The following COL4A4 variants were observed in gnomAD, a reference collection of about 807,000 sequenced individuals.
The protein encoded by COL4A4 is collagen alpha-4(IV) chain.
COL4A4 carries 105 observed loss-of-function variants against 192.9 expected under a neutral mutation model. That is an observed-to-expected ratio of 0.54 (90% CI 0.46 to 0.64). COL4A4 has a LOEUF of 0.64. COL4A4 is among the 30% of genes least tolerant of loss of function. COL4A4 has a pLI of 0.00. For missense variants in COL4A4, 1,967 were observed against 2,169.3 expected (o/e 0.91, Z 1.85); for synonymous variants, 762 against 769.9 (o/e 0.99, Z 0.17).
chr2:227,151,781 T>C (rs536263514), intron 1 of COL4A4, among the ~76,000 whole-genome samples: 1 of 152,280 alleles, frequency 6.6e-6, no homozygotes, highest in Admixed American at 6.5e-5. Flanking sequence ...AAGAGCTTGT[T>C]TGCCCCTTCC....
the COL4A4 span, among the ~76,000 whole-genome samples, chr2:226,971,621 G>A: frequency 2.6e-5 from 4 of 152,164 alleles, no homozygotes; most frequent in East Asian, 7.7e-4. Context: ...TTATTTTTTT[G>A]CCTTGCAAAT....
chr2:227,107,068 C>T lies in COL4A4; in HGVS notation c.735+1513G>A, dbSNP rs564453063. Among the ~76,000 whole-genome samples the T allele has an allele frequency of 4.6e-5, 7 of 152,290 alleles. No homozygotes were observed. In the East Asian group the frequency reaches 1.4e-3, roughly 29 times the overall value. ...GCTGGATTCTGCAATGGCACACGGG[C>T]TCCTGTGGCTTCGACGAACATATTC... is the stretch of plus-strand genomic sequence containing the variant. On this transcript the variant is annotated intron_variant, in intron 12 of 47. Coordinates refer to ENST00000396625, the MANE Select transcript of COL4A4 (RefSeq NM_000092.5).
chr2:226,982,690 G>A, the COL4A4 span, among the ~76,000 whole-genome samples: 422 of 152,316 alleles, frequency 2.8e-3, 2 homozygotes, highest in African/African-American at 9.7e-3. Context: ...TGTGTCTCGG[G>A]ATTTGAGAGC....
At chr2:227,138,408 C>T (rs564872526) in intron 4 of COL4A4, among the ~76,000 whole-genome samples, 22 of 152,030 alleles carry the variant, frequency 1.4e-4, no homozygotes, top group African/African-American at 5.1e-4. Flanking sequence ...CCGAGGCTGG[C>T]GGATCATGAG....
intron 25 of COL4A4, among the ~76,000 whole-genome samples, chr2:227,062,939 G>T (rs1576240536): frequency 1.3e-5 from 2 of 152,332 alleles, no homozygotes; most frequent in East Asian, 3.9e-4. Flanking sequence ...TAATAATAAT[G>T]TAATGGAGAT....
At chr2:227,027,467 G>T (rs1967146394) in intron 42 of COL4A4, among the ~76,000 whole-genome samples, 1 of 146,782 alleles carries the variant, frequency 6.8e-6, no homozygotes, top group Admixed American at 6.8e-5. Flanking sequence ...TCACACACTG[G>T]GGCCTGTTGT....
intron 7 of COL4A4, among the ~76,000 whole-genome samples, chr2:227,118,316 G>A (rs2061596118): frequency 1.3e-5 from 2 of 152,150 alleles, no homozygotes; most frequent in Admixed American, 1.3e-4. Context: ...TGGTCTCTCT[G>A]CTCTTTTTTC....
chr2:227,152,844 T>C (rs982719881), intron 1 of COL4A4, among the ~76,000 whole-genome samples: 2 of 152,232 alleles, frequency 1.3e-5, no homozygotes, highest in African/African-American at 2.4e-5. Flanking sequence ...CATGTGGGAA[T>C]AGACGAAGCA....
chr2:227,137,357 G>A (rs779192883), intron 4 of COL4A4, among the ~76,000 whole-genome samples: 13 of 152,198 alleles, frequency 8.5e-5, no homozygotes, highest in African/African-American at 1.4e-4. Flanking sequence ...TGGTACCTTC[G>A]TGTAATGATC....
chr2:227,121,826 G>C (rs1393689133), intron 4 of COL4A4, among the ~76,000 whole-genome samples: 1 of 152,076 alleles, frequency 6.6e-6, no homozygotes, highest in Admixed American at 6.5e-5. Flanking sequence ...TTTTCATTCT[G>C]TCAATCAAAT....
chr2:227,056,782 T>C (rs565651635), intron 29 of COL4A4, among the ~76,000 whole-genome samples: 2 of 152,342 alleles, frequency 1.3e-5, no homozygotes, highest in South Asian at 2.1e-4. Flanking sequence ...ATGAATAAGA[T>C]TGGTGACCTT....
At chr2:227,136,124 T>G (rs2062798331) in intron 4 of COL4A4, among the ~76,000 whole-genome samples, 1 of 152,182 alleles carries the variant, frequency 6.6e-6, no homozygotes, top group Non-Finnish European at 1.5e-5. Context: ...TTACTTGTGT[T>G]CTCATGACCA....
Position 227,004,605 on chromosome 2 carries a change from A to G in COL4A4, c.*2720T>C, listed in dbSNP as rs943317646. On this transcript the variant is annotated 3_prime_UTR_variant, in exon 48 of 48. Coordinates refer to ENST00000396625, the MANE Select transcript of COL4A4 (RefSeq NM_000092.5). ...TACTGCAAGGGTGGAGGTGGAAAACAAAGGCTGTGTGAGACGGGCACGGGG... is the reference window on the plus strand; with the variant it reads ...TACTGCAAGGGTGGAGGTGGAAAACGAAGGCTGTGTGAGACGGGCACGGGG... The G allele has an allele frequency of 3.3e-5, 5 of 152,280 alleles. No individual in the cohort carries two copies. Among genetic ancestry groups the G allele is most frequent in the African/African-American group, 1.2e-4 (5 of 41,446 alleles). 9.4% of individuals were successfully genotyped at this position (152,280 alleles called of 1,614,324 possible).
intron 25 of COL4A4, among the ~76,000 whole-genome samples, chr2:227,077,142 T>C (rs988534103): frequency 2.0e-5 from 3 of 152,204 alleles, no homozygotes; most frequent in African/African-American, 4.8e-5. Context: ...TTACTAGGTA[T>C]ATACCCAAAG....
At chr2:227,103,040 T>C (rs1204295264) in intron 14 of COL4A4, 104 bp downstream of exon 14, 10 of 1,138,170 alleles carry the variant, frequency 8.8e-6, no homozygotes, top group Non-Finnish European at 1.3e-6. Flanking sequence ...TCTGGTAATA[T>C]ATATTAGCAC....
chr2:227,033,558 G>T (rs1968884664), intron 37 of COL4A4, 77 bp from the exon 38 acceptor site: 1 of 1,296,618 alleles, frequency 7.7e-7, no homozygotes, highest in Admixed American at 1.7e-5. Context: ...CGCAGGCACT[G>T]CCCAGCAGAG....
chr2:227,027,590 A>G, intron 42 of COL4A4, among the ~76,000 whole-genome samples: 1 of 151,570 alleles, frequency 6.6e-6, no homozygotes, highest in Non-Finnish European at 1.5e-5. Context: ...ATATGTAACA[A>G]ACCTGCACGT....
chr2:227,060,311 T>C, intron 26 of COL4A4, 68 bp from the exon 27 acceptor site: 11 of 1,112,878 alleles, frequency 9.9e-6, no homozygotes, highest in Non-Finnish European at 1.2e-5. Context: ...AATGAGATGA[T>C]TTTCTTTAAG....
At chr2:227,053,543 CTTTTTTTTT>C (rs56724633) in intron 31 of COL4A4, among the ~76,000 whole-genome samples, 1 of 102,258 alleles carries the variant, frequency 9.8e-6, no homozygotes, top group South Asian at 3.5e-4. Context: ...TTTTCTTTTT[CTTTTTTTTT>C]TTTTTTTTTT....
Sources: gnomAD v4.1 joint callset for allele counts (sites outside exome capture counted in the v4.1 genomes callset) on GRCh38, gnomAD v4.1.1 for gene constraint, MANE v1.5 for transcripts, NCBI Gene and HGNC (gene_info 2026-07-23, HGNC 2026-07-21) for gene names.